PCCA: variants seen among roughly 807,000 people sequenced by gnomAD.
PCCA encodes propionyl-CoA carboxylase subunit alpha, also known as propionyl-CoA carboxylase alpha chain, mitochondrial.
In PCCA, 74 loss-of-function variants were observed where a neutral mutation model predicts 101.3. The ratio of observed to expected loss-of-function variants is 0.73; its 90% CI spans 0.61 to 0.89. PCCA has a LOEUF of 0.89. Ranked by LOEUF, PCCA falls within the 40% of genes least tolerant of loss-of-function variation. PCCA has a pLI of 0.00. For missense variants in PCCA, 891 were observed against 907.0 expected (o/e 0.98, Z 0.23); for synonymous variants, 294 against 313.6 (o/e 0.94, Z 0.66).
intron 6 of PCCA, chr13:100,198,543 A>G (rs2058268240): frequency 6.6e-6 from 1 of 152,112 alleles, no homozygotes; most frequent in African/African-American, 2.4e-5. Context: ...CTTGTTGCCC[A>G]GGCTGGAATG....
At chr13:100,332,721 T>C (rs2069819913) in intron 17 of PCCA, among the ~76,000 whole-genome samples, 1 of 152,356 alleles carries the variant, frequency 6.6e-6, no homozygotes, top group Admixed American at 6.5e-5. Context: ...AACCTAGATA[T>C]TGCAGTTTTC....
At chr13:100,233,356 G>A (rs932278169) in intron 7 of PCCA, among the ~76,000 whole-genome samples, 2 of 152,188 alleles carry the variant, frequency 1.3e-5, no homozygotes, top group Admixed American at 6.5e-5. Context: ...GCAAGGCTGA[G>A]CACAGATATT....
chr13:100,409,409 A>G (rs2077889668), intron 19 of PCCA, among the ~76,000 whole-genome samples: 1 of 152,118 alleles, frequency 6.6e-6, no homozygotes, highest in Admixed American at 6.6e-5. Flanking sequence ...GAATGGGAGT[A>G]AGGCAGGGTT....
intron 12 of PCCA, among the ~76,000 whole-genome samples, chr13:100,286,961 A>T (rs370248701): frequency 2.0e-5 from 3 of 152,094 alleles, no homozygotes; most frequent in African/African-American, 7.2e-5. Context: ...TCTGTGCTCT[A>T]TGAGCAATCA....
chr13:100,229,674 G>A (rs2060351989), intron 7 of PCCA, among the ~76,000 whole-genome samples: 1 of 152,158 alleles, frequency 6.6e-6, no homozygotes, highest in African/African-American at 2.4e-5. Context: ...AATACAAAAT[G>A]TGAGGTCCTG....
chr13:100,121,469 C>CT lies in PCCA; in HGVS notation c.300+9424dup, dbSNP rs58893932. ...GCCACTGCGTCTGGGCCTTAGGATTCTTTTTTTTTTTTTTTTCTCTCTTGA... is the reference window on the plus strand; with the variant it reads ...GCCACTGCGTCTGGGCCTTAGGATTCTTTTTTTTTTTTTTTTTCTCTCTTGA... On this transcript the variant is annotated intron_variant, in intron 4 of 23. Transcript: ENST00000376285. Among the ~76,000 whole-genome samples the CT allele has an allele frequency of 1.4e-3, 191 of 132,048 alleles. 1 individual carries two copies. The highest frequency in any genetic ancestry group is 3.5e-3 in the African/African-American group (125 of 35,224). The allele number at this position is 132,048 out of a possible 152,430, so 86.6% of individuals were successfully genotyped here. A position where few individuals can be genotyped will look rare whatever the true frequency, so the allele number is the denominator to read the frequency against.
At chr13:100,232,156 C>A (rs189145562) in intron 7 of PCCA, among the ~76,000 whole-genome samples, 1 of 152,164 alleles carries the variant, frequency 6.6e-6, no homozygotes, top group Non-Finnish European at 1.5e-5. Context: ...AGGGCCACGC[C>A]GTCCATACCT....
intron 2 of PCCA, among the ~76,000 whole-genome samples, chr13:100,109,140 T>C (rs1210081586): frequency 6.6e-6 from 1 of 152,256 alleles, no homozygotes; most frequent in East Asian, 1.9e-4. Flanking sequence ...CCATAGCTAA[T>C]GCTGAATGAG....
At chr13:100,304,452 G>A (rs2066303829) in intron 14 of PCCA, among the ~76,000 whole-genome samples, 1 of 152,152 alleles carries the variant, frequency 6.6e-6, no homozygotes, top group Non-Finnish European at 1.5e-5. Context: ...GTATCTCCAT[G>A]GTGATCACTT....
chr13:100,503,120 T>C (rs2085801707), intron 21 of PCCA, among the ~76,000 whole-genome samples: 1 of 152,224 alleles, frequency 6.6e-6, no homozygotes, highest in Non-Finnish European at 1.5e-5. Flanking sequence ...GGGCAGAGGC[T>C]GCCTGTTGAC....
chr13:100,178,903 C>T (rs1276426855), intron 6 of PCCA, among the ~76,000 whole-genome samples: 1 of 151,542 alleles, frequency 6.6e-6, no homozygotes, highest in Non-Finnish European at 1.5e-5. Context: ...CTGTGAAACC[C>T]CATCTCTACT....
chr13:100,200,306 A>T (rs2058394716), intron 6 of PCCA, among the ~76,000 whole-genome samples: 1 of 152,096 alleles, frequency 6.6e-6, no homozygotes, highest in Admixed American at 6.6e-5. Context: ...GGGTTTCACC[A>T]TGTTAGCTAG....
intron 12 of PCCA, among the ~76,000 whole-genome samples, chr13:100,298,361 A>C (rs2065724083): frequency 6.6e-6 from 1 of 152,120 alleles, no homozygotes; most frequent in Admixed American, 6.5e-5. Flanking sequence ...AGTCTTTCCT[A>C]AACAATCTGT....
At chr13:100,196,026 C>G (rs1262796386) in intron 6 of PCCA, among the ~76,000 whole-genome samples, 1 of 152,156 alleles carries the variant, frequency 6.6e-6, no homozygotes, top group African/African-American at 2.4e-5. Flanking sequence ...ATACTTTAAT[C>G]TTAGTCTTCT....
At chr13:100,397,362 G>A (rs1376985423) in intron 19 of PCCA, among the ~76,000 whole-genome samples, 1 of 152,126 alleles carries the variant, frequency 6.6e-6, no homozygotes, top group East Asian at 1.9e-4. Flanking sequence ...TCCATTGTAG[G>A]ATCGTTCCTA....
At chr13:100,330,218 A>G (rs1455925814) in intron 16 of PCCA, among the ~76,000 whole-genome samples, 3 of 152,246 alleles carry the variant, frequency 2.0e-5, no homozygotes, top group Non-Finnish European at 4.4e-5. Flanking sequence ...TCATTGAGAA[A>G]AAGGAGCTGA....
chr13:100,498,481 C>T (rs1328104610), intron 21 of PCCA, among the ~76,000 whole-genome samples: 1 of 152,122 alleles, frequency 6.6e-6, no homozygotes, highest in East Asian at 1.9e-4. Context: ...AAATAGATTT[C>T]CTTGCTCCTT....
chr13:100,211,543 C>A (rs1242396331), intron 7 of PCCA, among the ~76,000 whole-genome samples: 1 of 152,094 alleles, frequency 6.6e-6, no homozygotes, highest in African/African-American at 2.4e-5. Context: ...TTACTCAGTT[C>A]TAGTTTTTGT....
At chr13:100,378,425 A>C (rs1408623672) in intron 19 of PCCA, among the ~76,000 whole-genome samples, 2 of 152,150 alleles carry the variant, frequency 1.3e-5, no homozygotes, top group Non-Finnish European at 2.9e-5. Flanking sequence ...TTTTGCATTG[A>C]ATCTGGTTGA....
Sources: allele counts gnomAD v4.1 joint callset (sites outside exome capture counted in the v4.1 genomes callset), GRCh38; gene constraint gnomAD v4.1.1; transcripts MANE v1.5; gene names NCBI Gene and HGNC (gene_info 2026-07-23, HGNC 2026-07-21).